Variants in MOBP observed in about 807,000 individuals in gnomAD.
MOBP encodes the protein myelin associated oligodendrocyte basic protein.
A neutral mutation model predicts 15.0 loss-of-function variants in MOBP; 5 were observed. That is an observed-to-expected ratio of 0.33 (90% CI 0.17 to 0.70). The LOEUF is 0.70. Among genes scored for constraint, MOBP ranks in the 30% least tolerant of loss-of-function variants. The pLI is 0.67. For missense variants in MOBP, 188 were observed against 257.8 expected (o/e 0.73, Z 1.85); for synonymous variants, 88 against 99.0 (o/e 0.89, Z 0.66).
chr3:39,479,630 C>T (rs2042598493), intron 1 of MOBP, among the ~76,000 whole-genome samples: 1 of 151,908 alleles, frequency 6.6e-6, no homozygotes, highest in Non-Finnish European at 1.5e-5. Context: ...TCCTTAGGCT[C>T]CTTTCTTGGG....
intron 2 of MOBP, among the ~76,000 whole-genome samples, chr3:39,487,398 T>C (rs1342206489): frequency 6.6e-6 from 1 of 152,170 alleles, no homozygotes; most frequent in Non-Finnish European, 1.5e-5. Context: ...TATTTTTGAA[T>C]AGAACTGTTC....
downstream of MOBP, chr3:39,516,012 T>C (rs190539106): frequency 6.6e-6 from 1 of 152,278 alleles, no homozygotes; most frequent in Non-Finnish European, 1.5e-5. Flanking sequence ...AATGAATGTT[T>C]GTTTGTTGTT....
chr3:39,509,651 G>A (rs1259575111), intron 4 of MOBP, among the ~76,000 whole-genome samples: 4 of 152,172 alleles, frequency 2.6e-5, no homozygotes, highest in African/African-American at 9.7e-5. Context: ...CTCCAGGTCT[G>A]TGACTTGCCT....
At chr3:39,509,012 C>G (rs2043084581) in intron 4 of MOBP, among the ~76,000 whole-genome samples, 1 of 151,970 alleles carries the variant, frequency 6.6e-6, no homozygotes, top group South Asian at 2.1e-4. Context: ...TCCATATAGT[C>G]TCTCTCTATA....
chr3:39,513,011 A>G (rs543674152), intron 4 of MOBP, among the ~76,000 whole-genome samples: 21 of 152,356 alleles, frequency 1.4e-4, no homozygotes, highest in African/African-American at 5.0e-4. Flanking sequence ...CTATGTGTAT[A>G]TGTATGTACA....
At chr3:39,496,660 AT>A (rs59233045) in intron 2 of MOBP, among the ~76,000 whole-genome samples, 40,720 of 143,086 alleles carry the variant, frequency 0.28, 6,661 homozygotes, top group African/African-American at 0.47. Flanking sequence ...CGCCCGGCTA[AT>A]TTTTTTTTTT....
chr3:39,506,897 T>A (rs2043055951), downstream of MOBP, among the ~76,000 whole-genome samples: 1 of 152,190 alleles, frequency 6.6e-6, no homozygotes, highest in African/African-American at 2.4e-5. Flanking sequence ...CAGTGGTGCT[T>A]TCTGTTGGAT....
At chr3:39,476,583 A>G (rs895383226) in intron 1 of MOBP, among the ~76,000 whole-genome samples, 3 of 152,138 alleles carry the variant, frequency 2.0e-5, no homozygotes, top group African/African-American at 7.2e-5. Flanking sequence ...CTACTATTGT[A>G]GGATTATCTA....
intron 1 of MOBP, among the ~76,000 whole-genome samples, chr3:39,469,366 TTTATTTTAA>T: frequency 1.1e-5 from 1 of 90,828 alleles, no homozygotes; most frequent in Non-Finnish European, 2.2e-5. Flanking sequence ...TTAACTAAAA[TTTATTTTAA>T]TTGGAATTAA....
intron 4 of MOBP, among the ~76,000 whole-genome samples, chr3:39,510,510 A>G (rs987491027): frequency 2.0e-5 from 3 of 152,140 alleles, no homozygotes; most frequent in African/African-American, 7.2e-5. Context: ...TCTAGTACAT[A>G]GATCTTGCAC....
chr3:39,495,986 C>T (rs866659547), intron 2 of MOBP, among the ~76,000 whole-genome samples: 7 of 151,422 alleles, frequency 4.6e-5, no homozygotes, highest in South Asian at 4.2e-4. Flanking sequence ...ATTTTAAAAA[C>T]GGTAAGAGAA....
exon 5 of MOBP, chr3:39,513,509 G>T (rs2043148705): frequency 1.5e-6 from 2 of 1,356,852 alleles, no homozygotes; most frequent in East Asian, 2.3e-5. Flanking sequence ...AAGTTATCTG[G>T]CTTCAAATAT....
chr3:39,519,726 T>C (rs1173552296), downstream of MOBP, among the ~76,000 whole-genome samples: 1 of 152,164 alleles, frequency 6.6e-6, no homozygotes, highest in African/African-American at 2.4e-5. Context: ...ATTATTTTCC[T>C]AAACCGCAGC....
chr3:39,470,517 A>G (rs1246413940), intron 1 of MOBP, among the ~76,000 whole-genome samples: 2 of 152,234 alleles, frequency 1.3e-5, no homozygotes, highest in Admixed American at 6.5e-5. Context: ...ATATAAGCCT[A>G]TTGAATTTAT....
downstream of MOBP, chr3:39,527,179 A>T (rs1281813013): frequency 6.6e-6 from 1 of 151,712 alleles, no homozygotes; most frequent in African/African-American, 2.4e-5. Context: ...CACACAATTG[A>T]CTCTCGTCAG....
intron 2 of MOBP, among the ~76,000 whole-genome samples, chr3:39,481,653 T>G (rs1278665475): frequency 2.6e-5 from 4 of 152,168 alleles, no homozygotes; most frequent in Non-Finnish European, 4.4e-5. Flanking sequence ...TGTTCTCAAA[T>G]TTCTGGGCTG....
At chr3:39,522,869 G>A (rs1251358321) in intron 3 of MOBP, among the ~76,000 whole-genome samples, 2 of 152,198 alleles carry the variant, frequency 1.3e-5, no homozygotes, top group Non-Finnish European at 2.9e-5. Context: ...GCAAAAATAT[G>A]ACTTTCTTCC....
chr3:39,481,080 A>T (rs934512348), intron 2 of MOBP, among the ~76,000 whole-genome samples: 1 of 152,112 alleles, frequency 6.6e-6, no homozygotes, highest in Non-Finnish European at 1.5e-5. Context: ...CATTACTTCA[A>T]TTCTTCTCTT....
chr3:39,500,840 A>C (rs2125654624), intron 2 of MOBP, among the ~76,000 whole-genome samples: 1 of 152,360 alleles, frequency 6.6e-6, no homozygotes, highest in East Asian at 1.9e-4. Context: ...GGAAAAATAC[A>C]AAACCTTTAA....
Sources: allele counts gnomAD v4.1 joint callset (sites outside exome capture counted in the v4.1 genomes callset), GRCh38; gene constraint gnomAD v4.1.1; transcripts MANE v1.5; gene names NCBI Gene and HGNC (gene_info 2026-07-23, HGNC 2026-07-21).